The following ASCC3 variants were observed in gnomAD, a reference collection of about 807,000 sequenced individuals.
ASCC3 encodes the protein ASC-1 complex subunit P200.
In ASCC3, 158 loss-of-function variants were observed where a neutral mutation model predicts 256.3. That is an observed-to-expected ratio of 0.62 (90% confidence interval 0.54 to 0.70). The LOEUF (loss-of-function observed/expected upper bound fraction) is 0.70, where lower values mean the gene tolerates loss of function less well. Among genes scored for constraint, ASCC3 ranks in the 30% least tolerant of loss-of-function variants. The probability of loss-of-function intolerance (pLI) is 0.00; values close to 1 mark genes in which losing one functional copy is unlikely to be tolerated. For synonymous variants in ASCC3, 948 were observed against 883.4 expected, an observed-to-expected ratio of 1.07 and a Z score of -1.30; for missense variants, 2,259 against 2,626.0, an observed-to-expected ratio of 0.86 and a Z score of 3.05.
intron 37 of ASCC3, among the ~76,000 whole-genome samples, chr6:100,522,984 T>A (rs1019754124): frequency 1.4e-5 from 2 of 146,476 alleles, no homozygotes; most frequent in Admixed American, 1.4e-4. Context: ...AATTAAGGAT[T>A]CTCTGAGGAA....
At chr6:100,531,139 A>G in intron 37 of ASCC3, 1 of 824,692 alleles carries the variant, frequency 1.2e-6, no homozygotes, top group East Asian at 2.5e-5. Flanking sequence ...GACTGAACTA[A>G]AGATCAATTC....
At chr6:100,632,334 T>C (rs1774597175) in intron 25 of ASCC3, among the ~76,000 whole-genome samples, 1 of 151,366 alleles carries the variant, frequency 6.6e-6, no homozygotes, top group Non-Finnish European at 1.5e-5. Flanking sequence ...GACAAATAAA[T>C]GAGAAGATAT....
chr6:100,834,623 G>C (rs1771787505), intron 4 of ASCC3, among the ~76,000 whole-genome samples: 1 of 152,112 alleles, frequency 6.6e-6, no homozygotes, highest in African/African-American at 2.4e-5. Context: ...AGAAGAGACA[G>C]ATATAAGAAA....
chr6:100,788,426 AG>A (rs911936230), intron 8 of ASCC3, among the ~76,000 whole-genome samples: 10 of 152,046 alleles, frequency 6.6e-5, no homozygotes, highest in African/African-American at 2.4e-4. Flanking sequence ...TACAAAGATA[AG>A]TACATATTTA....
intron 37 of ASCC3, among the ~76,000 whole-genome samples, chr6:100,530,064 T>C (rs4461738): frequency 0.42 from 63,037 of 151,872 alleles, 13,631 homozygotes; most frequent in South Asian, 0.62. Context: ...TAATTTGGTA[T>C]TTAACATACA....
intron 36 of ASCC3, among the ~76,000 whole-genome samples, chr6:100,549,948 T>G (rs1769207006): frequency 1.3e-5 from 2 of 151,688 alleles, no homozygotes; most frequent in South Asian, 2.1e-4. Flanking sequence ...GCAAAGAAAA[T>G]AGTGTGAGTA....
At chr6:100,587,172 A>C (rs976952753) in intron 36 of ASCC3, among the ~76,000 whole-genome samples, 1 of 152,124 alleles carries the variant, frequency 6.6e-6, no homozygotes, top group Non-Finnish European at 1.5e-5. Context: ...ATCATCCTGC[A>C]CCCTACAGCT....
At position 100,652,823 on chromosome 6, in the gene ASCC3, C is replaced by T; in HGVS notation, c.2890G>A (p.Ala964Thr). Residue 964 changes from alanine (A) to threonine (T), a missense_variant, in exon 18 of 42, where the codon GCT becomes ACT. Transcript: ENST00000369162. ...VIEVGRKLDK[A>T]QMIRFEERTG... is the part of the protein sequence containing the mutation. ...CGCTCCTCAAAACGAATCATCTGAGCTTTGTCTAGTTTTCGTCCAACTTCA... is the reference window on the plus strand; with the variant it reads ...CGCTCCTCAAAACGAATCATCTGAGTTTTGTCTAGTTTTCGTCCAACTTCA... The T allele has an allele frequency of 6.2e-7, 1 of 1,613,918 alleles. No homozygotes were observed. Among genetic ancestry groups the T allele is most frequent in the South Asian group, 1.1e-5 (1 of 91,078 alleles).
At chr6:100,820,713 A>AG (rs988292988) in intron 4 of ASCC3, among the ~76,000 whole-genome samples, 7 of 101,566 alleles carry the variant, frequency 6.9e-5, no homozygotes, top group Non-Finnish European at 1.4e-4. Flanking sequence ...CCCACAGAAT[A>AG]GGAAAAAAAA....
intron 41 of ASCC3, 88 bp from the exon 42 acceptor site, chr6:100,509,621 C>T: frequency 5.2e-6 from 7 of 1,340,964 alleles, no homozygotes; most frequent in Middle Eastern, 2.5e-4. Flanking sequence ...TAGTAGGAGG[C>T]TGGGTGCGGT....
chr6:100,572,717 C>T (rs780864294), intron 36 of ASCC3, among the ~76,000 whole-genome samples: 94 of 151,990 alleles, frequency 6.2e-4, no homozygotes, highest in Non-Finnish European at 1.2e-3. Flanking sequence ...AAATTTTTGT[C>T]CTAATCTGTG....
intron 10 of ASCC3, among the ~76,000 whole-genome samples, chr6:100,746,605 A>G (rs9498252): frequency 0.46 from 69,407 of 151,812 alleles, 16,269 homozygotes; most frequent in Middle Eastern, 0.6. Flanking sequence ...AAGCCTCACT[A>G]TTTGCACTTT....
At chr6:100,670,571 C>T (rs75986503) in intron 14 of ASCC3, among the ~76,000 whole-genome samples, 4 of 121,732 alleles carry the variant, frequency 3.3e-5, no homozygotes, top group South Asian at 3.5e-4. Context: ...ATCTTCCCCC[C>T]CCCCAAATTC....
intron 17 of ASCC3, 85 bp from the exon 18 acceptor site, chr6:100,652,974 CTTTT>C (rs753836241): frequency 4.8e-5 from 64 of 1,342,640 alleles, no homozygotes; most frequent in Non-Finnish European, 6.4e-5. Context: ...GAAATTAAAA[CTTTT>C]CTTAATGTTT....
At chr6:100,828,812 A>T (rs577841300) in intron 4 of ASCC3, among the ~76,000 whole-genome samples, 2 of 152,140 alleles carry the variant, frequency 1.3e-5, no homozygotes, top group Non-Finnish European at 2.9e-5. Context: ...CAAAGAGCGA[A>T]AGAACAAAGC....
At chr6:100,627,815 T>C (rs1250072448) in intron 28 of ASCC3, 27 bp downstream of exon 28, 3 of 1,613,284 alleles carry the variant, frequency 1.9e-6, no homozygotes, top group South Asian at 1.1e-5. Context: ...ACTAAATAAA[T>C]GCATAATTTA....
At position 100,725,638 on chromosome 6, in the gene ASCC3, A is replaced by G; in HGVS notation, c.1803T>C (p.Leu601=). 1 of 1,612,774 alleles carries G rather than the reference A, an allele frequency of 6.2e-7. No homozygotes were observed. The highest frequency in any genetic ancestry group is 2.2e-5 in the East Asian group (1 of 44,810). ...GAATAAGGAGCCTTACAATCTGGGA[A>G]AGAGCTACATCCCCAACACTCTTTC... is the stretch of plus-strand genomic sequence containing the variant. ...VTRKSVGDVA[L]SQIVRLLILD... is the part of the protein sequence containing the mutation. The change falls in exon 11 of 42, where the codon CTT becomes CTC. Residue 601 remains leucine (L), a synonymous_variant. Coordinates refer to ENST00000369162, the MANE Select transcript of ASCC3 (RefSeq NM_006828.4).
At chr6:100,595,953 G>C (rs1008095676) in intron 34 of ASCC3, among the ~76,000 whole-genome samples, 1 of 151,842 alleles carries the variant, frequency 6.6e-6, no homozygotes, top group Admixed American at 6.6e-5. Flanking sequence ...AAAGATAAAT[G>C]CTTATTTTAT....
intron 3 of ASCC3, among the ~76,000 whole-genome samples, chr6:100,859,812 C>T (rs1158442588): frequency 1.3e-5 from 2 of 151,998 alleles, no homozygotes; most frequent in Non-Finnish European, 2.9e-5. Context: ...GCAAAACAAA[C>T]AGGTCTTTTT....
Sources: gnomAD v4.1 joint callset for allele counts (sites outside exome capture counted in the v4.1 genomes callset) on GRCh38, gnomAD v4.1.1 for gene constraint, MANE v1.5 for transcripts, NCBI Gene and HGNC (gene_info 2026-07-23, HGNC 2026-07-21) for gene names.